The following CNTNAP2 variants were observed in gnomAD, a reference collection of about 807,000 sequenced individuals.
The protein encoded by CNTNAP2 is contactin-associated protein-like 2.
In CNTNAP2, 98 loss-of-function variants were observed where a neutral mutation model predicts 155.2. The observed-to-expected ratio is 0.63, with a 90% CI of 0.54 to 0.75. The LOEUF (loss-of-function observed/expected upper bound fraction) is 0.75, where lower values mean the gene tolerates loss of function less well. Ranked by LOEUF, CNTNAP2 falls within the 30% of genes least tolerant of loss-of-function variation. The pLI, the probability that CNTNAP2 is intolerant of heterozygous loss-of-function variation, is 0.00. For synonymous variants in CNTNAP2, 651 were observed against 631.2 expected, an observed-to-expected ratio of 1.03 and a Z score of -0.47; for missense variants, 1,727 against 1,688.1, an observed-to-expected ratio of 1.02 and a Z score of -0.40.
chr7:146,404,220 C>A (rs1173877162), intron 1 of CNTNAP2, among the ~76,000 whole-genome samples: 1 of 151,290 alleles, frequency 6.6e-6, no homozygotes, highest in Non-Finnish European at 1.5e-5. Context: ...AGAACTCTTT[C>A]TTTCTCACTC....
intron 13 of CNTNAP2, among the ~76,000 whole-genome samples, chr7:147,861,679 C>G (rs1799135183): frequency 6.6e-6 from 1 of 152,000 alleles, no homozygotes; most frequent in Non-Finnish European, 1.5e-5. Flanking sequence ...GACACCTAGC[C>G]TAATCTAAAG....
intron 8 of CNTNAP2, among the ~76,000 whole-genome samples, chr7:147,217,259 C>G (rs1234122167): frequency 6.6e-6 from 1 of 151,946 alleles, no homozygotes; most frequent in African/African-American, 2.4e-5. Flanking sequence ...TAGTTTCTTA[C>G]CATTAAGTAT....
At chr7:147,776,784 ATT>A (rs1797591648) in intron 13 of CNTNAP2, among the ~76,000 whole-genome samples, 2 of 151,620 alleles carry the variant, frequency 1.3e-5, no homozygotes, top group Admixed American at 1.3e-4. Context: ...AAGCAATGAG[ATT>A]TTTACCTTTT....
chr7:146,949,960 C>T lies in CNTNAP2; in HGVS notation c.403-93947C>T, dbSNP rs527996111. Among the ~76,000 whole-genome samples, 68 of 152,030 alleles carry T rather than the reference C, an allele frequency of 4.5e-4. 1 individual carries two copies. The highest frequency in any genetic ancestry group is 1.4e-3 in the African/African-American group (59 of 41,470). ...AACAATGACATAATAATACTATGTG[C>T]GAAGAATTTAGCAAAAATTGGTGCT... On this transcript the variant is annotated intron_variant, in intron 3 of 23. Coordinates refer to ENST00000361727, the MANE Select transcript of CNTNAP2 (RefSeq NM_014141.6).
intron 2 of CNTNAP2, among the ~76,000 whole-genome samples, chr7:146,807,926 G>A (rs1387254363): frequency 6.6e-6 from 1 of 152,084 alleles, no homozygotes; most frequent in African/African-American, 2.4e-5. Flanking sequence ...CTCTGGCATA[G>A]TACATTTGCT....
chr7:147,686,963 C>A (rs1046679889), intron 13 of CNTNAP2, among the ~76,000 whole-genome samples: 1 of 151,868 alleles, frequency 6.6e-6, no homozygotes, highest in African/African-American at 2.4e-5. Context: ...AGAAGGGTGA[C>A]TACAGTTAAC....
chr7:147,335,875 AAAAAAT>A (rs1245766384), intron 9 of CNTNAP2, among the ~76,000 whole-genome samples: 1 of 126,720 alleles, frequency 7.9e-6, no homozygotes, highest in East Asian at 2.3e-4. Flanking sequence ...GTGATGTGAA[AAAAAAT>A]AAAATTTAGC....
At chr7:147,853,831 G>C (rs1406336847) in intron 13 of CNTNAP2, among the ~76,000 whole-genome samples, 1 of 152,080 alleles carries the variant, frequency 6.6e-6, no homozygotes, top group Non-Finnish European at 1.5e-5. Context: ...AAAGTGCTTT[G>C]TTAAGACTCA....
At chr7:147,510,703 AAGT>A (rs908409709) in intron 11 of CNTNAP2, among the ~76,000 whole-genome samples, 12 of 151,652 alleles carry the variant, frequency 7.9e-5, no homozygotes, top group Non-Finnish European at 1.6e-4. Context: ...CATAATTCCC[AAGT>A]AGTATGATAA....
At chr7:148,332,437 G>A (rs1798045066) in intron 21 of CNTNAP2, among the ~76,000 whole-genome samples, 1 of 152,156 alleles carries the variant, frequency 6.6e-6, no homozygotes, top group African/African-American at 2.4e-5. Context: ...AAAGGATCTT[G>A]GGCTTGGCAA....
At chr7:147,005,218 G>A (rs868831338) in intron 3 of CNTNAP2, among the ~76,000 whole-genome samples, 3 of 152,010 alleles carry the variant, frequency 2.0e-5, no homozygotes, top group African/African-American at 7.2e-5. Flanking sequence ...TTCTATCCAC[G>A]GGAATAGGAA....
intron 2 of CNTNAP2, among the ~76,000 whole-genome samples, chr7:146,817,397 G>A (rs565312456): frequency 8.5e-5 from 13 of 152,066 alleles, no homozygotes; most frequent in Admixed American, 3.3e-4. Flanking sequence ...GCTTGAACCC[G>A]GGAGGCGGAA....
intron 1 of CNTNAP2, among the ~76,000 whole-genome samples, chr7:146,401,237 G>T (rs1476590950): frequency 6.6e-6 from 1 of 152,132 alleles, no homozygotes; most frequent in Non-Finnish European, 1.5e-5. Context: ...GAATAAAAGG[G>T]CTGAGGATTG....
At chr7:146,167,836 A>G (rs995454118) in intron 1 of CNTNAP2, among the ~76,000 whole-genome samples, 5 of 152,170 alleles carry the variant, frequency 3.3e-5, no homozygotes, top group Non-Finnish European at 7.3e-5. Flanking sequence ...GCCATCTGTA[A>G]GCTGAGAGGC....
chr7:148,337,167 C>T (rs1293146268), intron 21 of CNTNAP2, among the ~76,000 whole-genome samples: 2 of 152,124 alleles, frequency 1.3e-5, no homozygotes, highest in African/African-American at 4.8e-5. Flanking sequence ...TCCTCCCTAA[C>T]GGTGCAGCAG....
intron 1 of CNTNAP2, among the ~76,000 whole-genome samples, chr7:146,285,193 G>A (rs1436615261): frequency 6.6e-6 from 1 of 152,034 alleles, no homozygotes; most frequent in Admixed American, 6.5e-5. Flanking sequence ...AAATAAAGAT[G>A]CAATTGACCC....
intron 10 of CNTNAP2, among the ~76,000 whole-genome samples, chr7:147,460,079 T>C (rs570483026): frequency 5.0e-4 from 76 of 151,956 alleles, no homozygotes; most frequent in Non-Finnish European, 9.9e-4. Flanking sequence ...CACCATGGCA[T>C]GTGTATACCT....
chr7:147,151,224 A>G (rs1163768148), intron 8 of CNTNAP2, among the ~76,000 whole-genome samples: 2 of 152,176 alleles, frequency 1.3e-5, no homozygotes, highest in Admixed American at 1.3e-4. Flanking sequence ...AAACTCCTAT[A>G]CTTTCTAGTA....
chr7:146,573,461 G>A (rs1443344995), intron 1 of CNTNAP2, among the ~76,000 whole-genome samples: 2 of 152,008 alleles, frequency 1.3e-5, no homozygotes, highest in East Asian at 1.9e-4. Context: ...TTTGGTTTTG[G>A]TGATTGGACA....
Sources: allele counts gnomAD v4.1 joint callset (sites outside exome capture counted in the v4.1 genomes callset), GRCh38; gene constraint gnomAD v4.1.1; transcripts MANE v1.5; gene names NCBI Gene and HGNC (gene_info 2026-07-23, HGNC 2026-07-21).